The following NRL variants were observed in gnomAD, a reference collection of about 807,000 sequenced individuals.
NRL encodes neural retina-specific leucine zipper protein.
Under a neutral mutation model 12.5 loss-of-function variants are expected in NRL, and 16 were observed. The ratio of observed to expected loss-of-function variants is 1.28; its 90% confidence interval spans 0.87 to 1.95. NRL has a LOEUF of 1.95. NRL is among the 30% of genes most tolerant of loss of function. The probability of loss-of-function intolerance (pLI) is 0.00; values close to 1 mark genes in which losing one functional copy is unlikely to be tolerated. For synonymous variants in NRL, 142 were observed against 150.9 expected (o/e 0.94, Z 0.43); for missense variants, 314 against 325.8 (o/e 0.96, Z 0.28).
intron 1 of NRL, chr14:24,103,235 C>T: frequency 6.2e-6 from 10 of 1,613,768 alleles, no homozygotes; most frequent in Non-Finnish European, 8.5e-6. Context: ...TCTGAGTCCA[C>T]TGCTGCAGCA....
At chr14:24,103,392 C>CA in intron 1 of NRL, 1 of 1,175,796 alleles carries the variant, frequency 8.5e-7, no homozygotes, top group East Asian at 2.4e-5. Flanking sequence ...ATCTTTTCCC[C>CA]ATCCCTGAAG....
rs1304333048 is a variant in NRL at position 24,081,344 on chromosome 14, C to T, written c.606G>A (p.Arg202=). The T allele has an allele frequency of 6.8e-7, 1 of 1,468,386 alleles. No homozygotes were observed. Among genetic ancestry groups the T allele is most frequent in the Non-Finnish European group, 9.0e-7 (1 of 1,108,318 alleles). The allele number at this position is 1,468,386 out of a possible 1,614,324, so 91.0% of individuals were successfully genotyped here. The change falls in exon 3 of 3, where the codon CGG becomes CGA. Residue 202 remains arginine (R), a synonymous_variant. Transcript: ENST00000561028. This position sits in a 1 kb window ranked among gnomAD's most constrained non-coding sequence, Gnocchi z 4.4. The part of the protein sequence containing the change: ...ARLAAQLDAL[R]AEVARLARER... ...CCCGGGCCAGGCGGGCCACCTCGGC[C>T]CGCAGCGCGTCCAGCTGGGCGGCCA... is the stretch of plus-strand genomic sequence containing the variant.
intron 1 of NRL, chr14:24,099,539 C>T (rs2037064287): frequency 2.6e-6 from 4 of 1,558,724 alleles, no homozygotes; most frequent in African/African-American, 1.4e-5. Context: ...TTCTTATTCC[C>T]TCTCTCCCCA....
chr14:24,112,299 T>C (rs2037433085), intron 1 of NRL, among the ~76,000 whole-genome samples: 1 of 146,052 alleles, frequency 6.8e-6, no homozygotes, highest in African/African-American at 2.5e-5. Flanking sequence ...TAAAATTCTC[T>C]TTTTTGGTTG....
chr14:24,107,752 G>C (rs996113479), intron 1 of NRL, among the ~76,000 whole-genome samples: 2 of 152,116 alleles, frequency 1.3e-5, no homozygotes, highest in Admixed American at 1.3e-4. Context: ...ACTCACTAGG[G>C]ATTGCAAAAC....
At chr14:24,095,702 T>C (rs1290478112) in intron 1 of NRL, among the ~76,000 whole-genome samples, 3 of 152,190 alleles carry the variant, frequency 2.0e-5, no homozygotes, top group Non-Finnish European at 4.4e-5. Context: ...ATCCCCTTCA[T>C]GGTCTTTGCT....
In NRL at chr14:24,082,693, G is replaced by A. The variant is rs752215376; in HGVS notation, c.156C>T (p.Thr52=). 2.5e-6 allele frequency: 4 copies of A among 1,614,206 alleles called. No homozygotes were observed. In the South Asian group the frequency reaches 4.4e-5, roughly 18 times the overall value. Residue 52 remains threonine, a synonymous_variant, in exon 2 of 3, where the codon ACC becomes ACT. Transcript: ENST00000561028. ...CCCCCACCATGCCTGGTTCACTGAA[G>A]GTGGGTGAAGGAGGCACTGAGCTGT... is the stretch of plus-strand genomic sequence containing the variant. ...TPYSSVPPSP[T]FSEPGMVGAT...
At chr14:24,103,457 T>C (rs565018366) in intron 1 of NRL, 3 of 1,477,268 alleles carry the variant, frequency 2.0e-6, no homozygotes, top group East Asian at 4.6e-5. Flanking sequence ...CAGGGTGCCC[T>C]TCCCTACCCC....
intron 1 of NRL, chr14:24,102,999 G>C: frequency 1.5e-6 from 2 of 1,335,556 alleles, no homozygotes; most frequent in Non-Finnish European, 1.1e-6. Flanking sequence ...CCTTTCTCCA[G>C]AGTTCTCCCC....
At chr14:24,104,651 A>C (rs2037302183) in intron 1 of NRL, among the ~76,000 whole-genome samples, 2 of 143,310 alleles carry the variant, frequency 1.4e-5, no homozygotes. Flanking sequence ...AAAAAAAAAA[A>C]ACAAAACAAA....
intron 1 of NRL, among the ~76,000 whole-genome samples, chr14:24,108,520 T>TG (rs1399055269): frequency 8.6e-5 from 13 of 150,810 alleles, no homozygotes; most frequent in African/African-American, 2.4e-4. Context: ...TTTTTAGAGA[T>TG]GGGGTCTCAC....
rs76819490 is a variant in NRL at position 24,105,923 on chromosome 14, A to G, written c.-28+8799T>C. On this transcript the variant is annotated intron_variant, in intron 1 of 2. Coordinates refer to ENST00000561028, the MANE Select transcript of NRL (RefSeq NM_001354768.3). Reference sequence around the variant, plus strand: ...CTGTCTCAAAAAAATAAAAAAATAAAAAGTCACCTATTCCGTGTTTCTCAA... The same window carrying G: ...CTGTCTCAAAAAAATAAAAAAATAAGAAGTCACCTATTCCGTGTTTCTCAA... 3.1e-3 allele frequency among the ~76,000 whole-genome samples: 474 copies of G among 152,240 alleles called. 3 individuals are homozygous for G. The highest frequency in any genetic ancestry group is 0.011 in the African/African-American group (454 of 41,544).
intron 1 of NRL, chr14:24,110,389 G>A (rs1304167953): frequency 2.9e-6 from 1 of 341,554 alleles, no homozygotes; most frequent in South Asian, 2.0e-5. Flanking sequence ...GATTACAGGT[G>A]TGAGCTACCA....
intron 1 of NRL, chr14:24,093,476 G>A (rs2036703825): frequency 6.6e-6 from 1 of 152,242 alleles, no homozygotes; most frequent in Non-Finnish European, 1.5e-5. Flanking sequence ...TCAGGAGTTG[G>A]AGACCAGCTT....
chr14:24,100,109 A>G (rs1362457693), intron 1 of NRL: 11 of 1,612,786 alleles, frequency 6.8e-6, no homozygotes, highest in African/African-American at 1.3e-5. Context: ...ATTTTTACCA[A>G]TGTGGCTGAG....
chr14:24,114,833 G>GC lies in NRL; in HGVS notation c.-140dup. The GC allele has an allele frequency of 1.0e-6, 1 of 985,976 alleles. No homozygotes were observed. Among genetic ancestry groups the GC allele is most frequent in the South Asian group, 4.7e-5 (1 of 21,300 alleles). The allele number at this position is 985,976 out of a possible 1,614,324, so 61.1% of individuals were successfully genotyped here. A position where few individuals can be genotyped will look rare whatever the true frequency, so the allele number is the denominator to read the frequency against. ...CCGCGAGATGCGTGACGAGCGAAGC[G>GC]CGTGACGGAGGAGCGGTTGGCCAAC... On this transcript the variant is annotated 5_prime_UTR_variant, in exon 1 of 3. Transcript: ENST00000561028.
chr14:24,091,119 C>CTGTGTGTG (rs55656236), intron 1 of NRL, among the ~76,000 whole-genome samples: 94 of 138,728 alleles, frequency 6.8e-4, no homozygotes, highest in African/African-American at 1.7e-3. Context: ...CAGAAAAGGC[C>CTGTGTGTG]TGTGTGTGTG....
intron 1 of NRL, among the ~76,000 whole-genome samples, chr14:24,097,341 G>A (rs995387237): frequency 3.3e-5 from 5 of 151,326 alleles, no homozygotes; most frequent in African/African-American, 7.3e-5. Context: ...ACCAGGTGTC[G>A]GGAGTTTGGG....
rs2036738222 is a variant in NRL at position 24,094,152 on chromosome 14, A to AGG, written c.-27-11279_-27-11278dup. Reference sequence around the variant, plus strand: ...GAGATGGGTTTGGCGGTTTGGAGGCAGGGGTTGGGGCGGCGGCTGGGCTGA... The same window carrying AGG: ...GAGATGGGTTTGGCGGTTTGGAGGCAGGGGGGTTGGGGCGGCGGCTGGGCTGA... On this transcript the variant is annotated intron_variant, in intron 1 of 2. Coordinates refer to ENST00000561028, the MANE Select transcript of NRL (RefSeq NM_001354768.3). This position sits in a 1 kb window ranked among gnomAD's most constrained non-coding sequence, Gnocchi z 4.1. The AGG allele has an allele frequency of 3.7e-6, 2 of 544,364 alleles. No homozygotes were observed. The highest frequency in any genetic ancestry group is 2.2e-5 in the South Asian group (1 of 44,460). 33.7% of individuals were successfully genotyped at this position (544,364 alleles called of 1,614,324 possible). A position where few individuals can be genotyped will look rare whatever the true frequency, so the allele number is the denominator to read the frequency against.
Sources: gnomAD v4.1 joint callset for allele counts (sites outside exome capture counted in the v4.1 genomes callset) on GRCh38, gnomAD v4.1.1 for gene constraint, Gnocchi (gnomAD v3.1) non-coding constraint, MANE v1.5 for transcripts, NCBI Gene and HGNC (gene_info 2026-07-23, HGNC 2026-07-21) for gene names.